The following TNS1 variants were observed in gnomAD, a reference collection of about 807,000 sequenced individuals.
The protein encoded by TNS1 is tensin-1.
A neutral mutation model predicts 168.6 loss-of-function variants in TNS1; 62 were observed. That is an observed-to-expected ratio of 0.37 (90% confidence interval 0.30 to 0.45). The LOEUF is 0.45. Among genes scored for constraint, TNS1 ranks in the 20% least tolerant of loss-of-function variants. TNS1 has a pLI of 1.00. For missense variants in TNS1, 2,240 were observed against 2,339.4 expected (o/e 0.96, Z 0.88); for synonymous variants, 934 against 933.2 (o/e 1.00, Z -0.02).
chr2:217,831,077 GTGTGTGTGTGTACA>G (rs1190975469), intron 22 of TNS1, among the ~76,000 whole-genome samples: 15 of 152,178 alleles, frequency 9.9e-5, no homozygotes, highest in Middle Eastern at 3.4e-3. Flanking sequence ...CTGACTCTAT[GTGTGTGTGTGTACA>G]TGTGTGTGTA....
intron 3 of TNS1, 98 bp from the exon 4 acceptor site, chr2:217,920,334 C>T: frequency 1.4e-6 from 1 of 695,458 alleles, no homozygotes; most frequent in Non-Finnish European, 2.6e-6. Context: ...TGCTTCATTC[C>T]CTCACACGGG....
chr2:217,936,847 C>G (rs1012120451), intron 3 of TNS1: 2 of 437,944 alleles, frequency 4.6e-6, no homozygotes, highest in African/African-American at 4.0e-5. Context: ...CAAATAGCAT[C>G]TCATTTCATA....
intron 21 of TNS1, among the ~76,000 whole-genome samples, chr2:217,833,732 C>G (rs1017577003): frequency 1.3e-5 from 2 of 152,212 alleles, no homozygotes; most frequent in African/African-American, 4.8e-5. Flanking sequence ...TGCAGGGTGA[C>G]CAGTGTGAAC....
chr2:217,895,172 C>G, intron 8 of TNS1, 116 bp from the exon 9 acceptor site: 4 of 1,023,126 alleles, frequency 3.9e-6, no homozygotes, highest in Non-Finnish European at 4.5e-6. Context: ...TGCCAACTTC[C>G]TCTGAAGAGC....
At chr2:217,841,812 A>G (rs1035468017) in intron 19 of TNS1, among the ~76,000 whole-genome samples, 2 of 152,064 alleles carry the variant, frequency 1.3e-5, no homozygotes, top group Non-Finnish European at 2.9e-5. Flanking sequence ...GCTCCTTACC[A>G]CAGCCATCTG....
At chr2:218,022,711 A>G (rs1272703423) in intron 1 of TNS1, among the ~76,000 whole-genome samples, 3 of 151,474 alleles carry the variant, frequency 2.0e-5, no homozygotes, top group Admixed American at 2.0e-4. Context: ...TGGCTCTGGG[A>G]AGCAACATGG....
intron 22 of TNS1, among the ~76,000 whole-genome samples, chr2:217,824,992 C>T (rs1943406834): frequency 6.6e-6 from 1 of 152,180 alleles, no homozygotes; most frequent in Non-Finnish European, 1.5e-5. Flanking sequence ...AAGCATGATC[C>T]TTACCCTCCA....
In TNS1 at chr2:217,978,911, G is replaced by A. The variant is rs970194804; in HGVS notation, c.149-109C>T. The A allele has an allele frequency of 1.7e-5, 12 of 689,834 alleles. No homozygotes were observed. The East Asian group carries it at 3.0e-4, about 17-fold the overall frequency. 42.7% of individuals were successfully genotyped at this position (689,834 alleles called of 1,614,324 possible). The stretch of plus-strand genomic sequence containing the variant: ...CCGCAATCCGCGCTCGGGAAGGAAG[G>A]AGGGAAGGAGGGACGGAGGGAAGGA... On this transcript the variant is annotated intron_variant, in intron 2 of 32. Transcript: ENST00000682258.
At chr2:217,944,905 G>A (rs968266393) in intron 3 of TNS1, among the ~76,000 whole-genome samples, 9 of 152,216 alleles carry the variant, frequency 5.9e-5, no homozygotes, top group Non-Finnish European at 1.0e-4. Context: ...AGATAAAAGT[G>A]AAGAAGCAGA....
upstream of TNS1, among the ~76,000 whole-genome samples, chr2:218,004,997 G>A (rs1958646942): frequency 4.6e-5 from 7 of 152,200 alleles, no homozygotes; most frequent in Admixed American, 4.6e-4. Context: ...AAGCAAAGGG[G>A]AGTGGTCTTC....
At position 217,804,584 on chromosome 2, in the gene TNS1, G is replaced by A. The variant is rs774398480; in HGVS notation, c.5395C>T (p.Arg1799Trp). 1.2e-6 allele frequency: 2 copies of A among 1,614,102 alleles called. No individual in the cohort carries two copies. The highest frequency in any genetic ancestry group is 1.7e-6 in the Non-Finnish European group (2 of 1,179,948). ...APAKLFGFVA[R>W]KQGSTTDNAC... Reference sequence around the variant, plus strand: ...TTGTCCGTGGTGCTGCCCTGCTTCCGGGCCACGAAGCCGAAGAGCCTGCAG... The same window carrying A: ...TTGTCCGTGGTGCTGCCCTGCTTCCAGGCCACGAAGCCGAAGAGCCTGCAG... The change falls in exon 33 of 33, where the codon CGG becomes TGG. Residue 1799 changes from arginine to tryptophan, a missense_variant. Physicochemically the swap from Arg to Trp is moderately radical, Grantham distance 101 (BLOSUM62 -3). This residue lies in a region of TNS1 where 109 missense variants were observed against 168.1 expected (regional missense o/e 0.65). Transcript: ENST00000682258.
intron 4 of TNS1, among the ~76,000 whole-genome samples, chr2:217,918,692 G>C (rs1037630871): frequency 6.6e-6 from 1 of 152,172 alleles, no homozygotes; most frequent in African/African-American, 2.4e-5. Context: ...AGGACATTCT[G>C]TTCTTAGCCA....
chr2:218,012,109 C>A (rs546284048), upstream of TNS1, among the ~76,000 whole-genome samples: 1 of 152,102 alleles, frequency 6.6e-6, no homozygotes, highest in Non-Finnish European at 1.5e-5. Flanking sequence ...CTTCTAGGGG[C>A]CTTCAATCTC....
At chr2:217,833,492 G>T (rs1396231354) in intron 21 of TNS1, among the ~76,000 whole-genome samples, 1 of 152,282 alleles carries the variant, frequency 6.6e-6, no homozygotes, top group Non-Finnish European at 1.5e-5. Flanking sequence ...AGGGAGAGAA[G>T]AAGGCAAAAC....
At position 217,967,252 on chromosome 2, in the gene TNS1, C is replaced by G. The variant is rs369119539; in HGVS notation, c.186+11513G>C. ...AGGAGAATGGCATGAACCCAGGAGG[C>G]GGAGCTTGCAGTGAGCCGAGATCAA... On this transcript the variant is annotated intron_variant, in intron 3 of 32. Transcript: ENST00000682258. Among the ~76,000 whole-genome samples, 11 of 152,196 alleles carry G rather than the reference C, an allele frequency of 7.2e-5. No individual in the cohort carries two copies. The East Asian group carries it at 2.1e-3, about 29-fold the overall frequency.
chr2:217,831,073 CTA>C (rs1491170105), intron 22 of TNS1, among the ~76,000 whole-genome samples: 27 of 151,460 alleles, frequency 1.8e-4, no homozygotes, highest in East Asian at 5.8e-4. Flanking sequence ...TTCTCTGACT[CTA>C]TGTGTGTGTG....
chr2:217,801,361 A>G lies in TNS1; in HGVS notation c.*3098T>C, dbSNP rs1311978106. 6.6e-6 allele frequency: 1 copy of G among 152,256 alleles called. No homozygotes were observed. The highest frequency in any genetic ancestry group is 1.5e-5 in the Non-Finnish European group (1 of 68,138). 9.4% of individuals were successfully genotyped at this position (152,256 alleles called of 1,614,324 possible). Reference sequence around the variant, plus strand: ...CTGGGCCCCTCCCCCAGCTGAAGGGACATGACCCTCCTCTGCCCTCTTCCC... The same window carrying G: ...CTGGGCCCCTCCCCCAGCTGAAGGGGCATGACCCTCCTCTGCCCTCTTCCC... On this transcript the variant is annotated 3_prime_UTR_variant, in exon 33 of 33. Transcript: ENST00000682258.
intron 28 of TNS1, among the ~76,000 whole-genome samples, chr2:217,811,761 C>T (rs562151622): frequency 6.6e-6 from 1 of 152,340 alleles, no homozygotes; most frequent in South Asian, 2.1e-4. Flanking sequence ...CACTCCTTCC[C>T]TAGCCCTGCC....
At chr2:217,972,133 C>T (rs1053490140) in intron 3 of TNS1, among the ~76,000 whole-genome samples, 4 of 152,196 alleles carry the variant, frequency 2.6e-5, no homozygotes, top group Non-Finnish European at 5.9e-5. Flanking sequence ...CCATTCCCAG[C>T]CCTCACAAGA....
Sources: allele counts gnomAD v4.1 joint callset (sites outside exome capture counted in the v4.1 genomes callset), GRCh38; gene constraint gnomAD v4.1.1; regional missense constraint gnomAD v4.1.1; transcripts MANE v1.5; gene names NCBI Gene and HGNC (gene_info 2026-07-23, HGNC 2026-07-21).